The following FGD5 variants were observed in gnomAD, a reference collection of about 807,000 sequenced individuals.
FGD5 encodes FYVE, RhoGEF and PH domain containing 5, also known as FYVE, RhoGEF and PH domain-containing protein 5.
In FGD5, 28 loss-of-function variants were observed where a neutral mutation model predicts 133.4. The observed-to-expected ratio is 0.21, with a 90% confidence interval of 0.16 to 0.29. The LOEUF is 0.29. FGD5 is among the 10% of genes least tolerant of loss of function. The pLI, the probability that FGD5 is intolerant of heterozygous loss-of-function variation, is 1.00. For synonymous variants in FGD5, 810 were observed against 776.5 expected, an observed-to-expected ratio of 1.04 and a Z score of -0.72; for missense variants, 1,858 against 1,895.2, an observed-to-expected ratio of 0.98 and a Z score of 0.36.
At chr3:14,900,902 A>G in intron 8 of FGD5, 101 bp from the exon 9 acceptor site, 1 of 1,309,248 alleles carries the variant, frequency 7.6e-7, no homozygotes, top group Non-Finnish European at 1.1e-6. Context: ...CCTAGGCAGT[A>G]GTGGCCAAGC....
intron 2 of FGD5, among the ~76,000 whole-genome samples, chr3:14,876,071 C>T (rs745349138): frequency 5.3e-5 from 8 of 152,014 alleles, no homozygotes; most frequent in African/African-American, 1.5e-4. Flanking sequence ...AGAGGGGAGG[C>T]GACGAGATAG....
At chr3:14,849,782 T>C (rs1420096554) in intron 1 of FGD5, among the ~76,000 whole-genome samples, 3 of 151,972 alleles carry the variant, frequency 2.0e-5, no homozygotes, top group African/African-American at 7.3e-5. Flanking sequence ...ATCCGTAAAA[T>C]GGGAGTGTTA....
chr3:14,831,966 A>C (rs932673097), intron 1 of FGD5, among the ~76,000 whole-genome samples: 2 of 152,170 alleles, frequency 1.3e-5, no homozygotes, highest in African/African-American at 4.8e-5. Context: ...GGAACTTCCC[A>C]GTGTCACGGT....
Position 14,885,448 on chromosome 3 carries a change from A to T in FGD5, c.2748+4676A>T, listed in dbSNP as rs73814010. ...CAGGTGCAGTCGTGAGTTTGCCCAC[A>T]TCCTGCATTCATGATAAACAGTTTG... On this transcript the variant is annotated intron_variant, in intron 4 of 19. Transcript: ENST00000285046. Among the ~76,000 whole-genome samples, 4 of 152,126 alleles carry T rather than the reference A, an allele frequency of 2.6e-5. No homozygotes were observed. The East Asian group carries it at 7.7e-4, about 29-fold the overall frequency.
intron 2 of FGD5, among the ~76,000 whole-genome samples, chr3:14,875,369 G>A (rs2037696719): frequency 1.3e-5 from 2 of 152,174 alleles, no homozygotes; most frequent in Admixed American, 1.3e-4. Context: ...GGGCATCGGG[G>A]GCACCTCAGA....
chr3:14,866,228 T>C (rs2037490998), intron 2 of FGD5, among the ~76,000 whole-genome samples: 1 of 152,082 alleles, frequency 6.6e-6, no homozygotes, highest in African/African-American at 2.4e-5. Context: ...AGAGCACTAA[T>C]AGTAACTGCG....
chr3:14,912,101 G>A (rs1291673704), intron 11 of FGD5, among the ~76,000 whole-genome samples: 4 of 152,078 alleles, frequency 2.6e-5, no homozygotes, highest in East Asian at 1.9e-4. Flanking sequence ...CCTTCTGCTC[G>A]TGAGTGGGGT....
intron 11 of FGD5, 28 bp downstream of exon 11, chr3:14,910,957 C>G (rs767418335): frequency 1.9e-6 from 3 of 1,599,686 alleles, no homozygotes; most frequent in Non-Finnish European, 2.6e-6. Context: ...AAGCCCAGCT[C>G]AGGAACTGCC....
Position 14,910,905 on chromosome 3 carries a change from C to G in FGD5, c.3381C>G (p.Asn1127Lys). The G allele has an allele frequency of 1.2e-6, 2 of 1,613,286 alleles. No homozygotes were observed. Among genetic ancestry groups the G allele is most frequent in the Non-Finnish European group, 1.7e-6 (2 of 1,179,568 alleles). ...CGCTGATGAAAGTAACAGGGAAAAACAGACGGCCCCGGCACCTATTTCTGG... is the reference window on the plus strand; with the variant it reads ...CGCTGATGAAAGTAACAGGGAAAAAGAGACGGCCCCGGCACCTATTTCTGG... Reference protein sequence around the residue: ...EGTLMKVTGKNRRPRHLFLMN... With the variant: ...EGTLMKVTGKKRRPRHLFLMN... The change falls in exon 11 of 20, where the codon AAC (asparagine) becomes AAG (lysine). Residue 1127 changes from asparagine to lysine, a missense_variant. Transcript: ENST00000285046.
intron 18 of FGD5, among the ~76,000 whole-genome samples, chr3:14,930,114 A>G (rs138476249): frequency 1.2e-3 from 185 of 152,278 alleles, no homozygotes; most frequent in African/African-American, 3.7e-3. Context: ...GCCTCTCCCT[A>G]TTGGATTGCT....
At chr3:14,852,169 A>G (rs1478660927) in intron 1 of FGD5, among the ~76,000 whole-genome samples, 1 of 152,250 alleles carries the variant, frequency 6.6e-6, no homozygotes, top group Admixed American at 6.5e-5. Context: ...AGCATTATAC[A>G]TGATAGCCAA....
chr3:14,821,478 C>T lies in FGD5; in HGVS notation c.2407C>T (p.Leu803=), dbSNP rs867393540. 1 of 1,614,050 alleles carries T rather than the reference C, an allele frequency of 6.2e-7. No homozygotes were observed. The highest frequency in any genetic ancestry group is 1.7e-5 in the Admixed American group (1 of 60,038). The change falls in exon 1 of 20, where the codon CTG becomes TTG. Residue 803 remains leucine, a synonymous_variant. Transcript: ENST00000285046. ...RPARAGAFTK[L]FEDQSRALST... ...TGCCAGGGCTGGCGCGTTCACGAAG[C>T]TGTTTGAAGATCAGAGCAGAGCCCT...
intron 4 of FGD5, among the ~76,000 whole-genome samples, chr3:14,885,665 G>A (rs1194532032): frequency 6.6e-6 from 1 of 152,204 alleles, no homozygotes; most frequent in East Asian, 1.9e-4. Context: ...TTGGGCTTCT[G>A]CACAGCATGG....
At chr3:14,877,468 T>C (rs982085443) in intron 2 of FGD5, among the ~76,000 whole-genome samples, 3 of 152,050 alleles carry the variant, frequency 2.0e-5, no homozygotes, top group Non-Finnish European at 4.4e-5. Flanking sequence ...GAAGTTTGGG[T>C]ATGGTGTGAC....
At chr3:14,844,628 C>T (rs2037010462) in intron 1 of FGD5, among the ~76,000 whole-genome samples, 1 of 152,078 alleles carries the variant, frequency 6.6e-6, no homozygotes, top group African/African-American at 2.4e-5. Flanking sequence ...TGTCAGTCAG[C>T]TTTGGCATAA....
chr3:14,911,578 A>C lies in FGD5; in HGVS notation c.3405+649A>C, dbSNP rs151108775. ...CAGCTTCCTCATACTTCGTCAAAGCACCGTGTGCAGTGGGAGAGACAGGCT... is the reference window on the plus strand; with the variant it reads ...CAGCTTCCTCATACTTCGTCAAAGCCCCGTGTGCAGTGGGAGAGACAGGCT... On this transcript the variant is annotated intron_variant, in intron 11 of 19. Coordinates refer to ENST00000285046, the MANE Select transcript of FGD5 (RefSeq NM_152536.4). Among the ~76,000 whole-genome samples the C allele has an allele frequency of 8.1e-4, 123 of 151,958 alleles. No homozygotes were observed. The East Asian group carries it at 0.022, about 27-fold the overall frequency.
In FGD5 at chr3:14,932,578, A is replaced by T. The variant is rs1422543228; in HGVS notation, c.4199A>T (p.Asp1400Val). Residue 1400 changes from aspartate (D) to valine (V), a missense_variant and splice_region_variant, in exon 19 of 20, where the codon GAC (aspartate) becomes GTC (valine). Physicochemically the swap from Asp to Val is radical, Grantham distance 152 (BLOSUM62 -3). Transcript: ENST00000285046. ...KVLYTYMASE[D>V]KVALESMPLL... ...AATTTTTCCTTCTGTCCTCTGCAGGACAAAGTGGCCTTGGAGAGTATGCCT... is the reference window on the plus strand; with the variant it reads ...AATTTTTCCTTCTGTCCTCTGCAGGTCAAAGTGGCCTTGGAGAGTATGCCT... The T allele has an allele frequency of 6.2e-7, 1 of 1,612,022 alleles. No individual in the cohort carries two copies. The highest frequency in any genetic ancestry group is 1.7e-5 in the Admixed American group (1 of 59,496).
intron 1 of FGD5, among the ~76,000 whole-genome samples, chr3:14,840,718 A>G (rs528839975): frequency 8.5e-5 from 13 of 152,260 alleles, no homozygotes; most frequent in African/African-American, 3.1e-4. Context: ...ATTTGTGAAC[A>G]TATCTGGAGG....
chr3:14,922,326 G>C lies in FGD5; in HGVS notation c.3670-85G>C. On this transcript the variant is annotated intron_variant, in intron 14 of 19. Coordinates refer to ENST00000285046, the MANE Select transcript of FGD5 (RefSeq NM_152536.4). This position sits in a 1 kb window ranked among gnomAD's most constrained non-coding sequence, Gnocchi z 4.1. ...CCACACATCACACACCCTGCACAGA[G>C]ACGCAGGGCAGGGCTCACTGGGCTC... is the stretch of plus-strand genomic sequence containing the variant. 6.6e-7 allele frequency: 1 copy of C among 1,518,034 alleles called. No homozygotes were observed. 94.0% of individuals were successfully genotyped at this position (1,518,034 alleles called of 1,614,324 possible).
Sources: allele counts gnomAD v4.1 joint callset (sites outside exome capture counted in the v4.1 genomes callset), GRCh38; gene constraint gnomAD v4.1.1; non-coding constraint Gnocchi (gnomAD v3.1); transcripts MANE v1.5; gene names NCBI Gene and HGNC (gene_info 2026-07-23, HGNC 2026-07-21).